The following ERBB4 variants were observed in gnomAD, a reference collection of about 807,000 sequenced individuals.
ERBB4 encodes erb-b2 receptor tyrosine kinase 4, also known as receptor tyrosine-protein kinase erbB-4.
In ERBB4, 42 loss-of-function variants were observed where a neutral mutation model predicts 158.0. The observed-to-expected ratio is 0.27, with a 90% CI of 0.21 to 0.34. ERBB4 has a LOEUF of 0.34. Among genes scored for constraint, ERBB4 ranks in the 10% least tolerant of loss-of-function variants. ERBB4 has a pLI of 1.00. For synonymous variants in ERBB4, 583 were observed against 558.7 expected (o/e 1.04, Z -0.61); for missense variants, 1,333 against 1,624.1 (o/e 0.82, Z 3.08).
At chr2:212,202,731 A>G (rs1410905302) in intron 1 of ERBB4, among the ~76,000 whole-genome samples, 1 of 152,208 alleles carries the variant, frequency 6.6e-6, no homozygotes, top group East Asian at 1.9e-4. Context: ...CACTTCACTA[A>G]TTAATCCAAA....
At chr2:211,617,064 G>A (rs2069418533) in intron 19 of ERBB4, among the ~76,000 whole-genome samples, 1 of 152,010 alleles carries the variant, frequency 6.6e-6, no homozygotes, top group African/African-American at 2.4e-5. Context: ...GGGGTTAGGA[G>A]CTTTCAAATA....
At position 212,101,183 on chromosome 2, in the gene ERBB4, T is replaced by C. The variant is rs1428724447; in HGVS notation, c.234+23569A>G. On this transcript the variant is annotated intron_variant, in intron 2 of 27. Coordinates refer to ENST00000342788, the MANE Select transcript of ERBB4 (RefSeq NM_005235.3). ...ATGTTATTAATGAGCAGAAATGATA[T>C]GTATATAATTTTGTTAAAAAAGAAA... Among the ~76,000 whole-genome samples the C allele has an allele frequency of 4.0e-5, 6 of 151,890 alleles. No homozygotes were observed. In the South Asian group the frequency reaches 6.2e-4, roughly 16 times the overall value.
At chr2:211,829,309 C>T (rs2077170274) in intron 3 of ERBB4, among the ~76,000 whole-genome samples, 1 of 152,034 alleles carries the variant, frequency 6.6e-6, no homozygotes, top group African/African-American at 2.4e-5. Context: ...TTGTTTTAAA[C>T]TTTAGTAAAT....
At chr2:212,280,336 T>C (rs576647262) in intron 1 of ERBB4, among the ~76,000 whole-genome samples, 1 of 151,740 alleles carries the variant, frequency 6.6e-6, no homozygotes, top group Admixed American at 6.6e-5. Flanking sequence ...TATCTGTCAA[T>C]GCCTTGGGTC....
rs1285506686 is a variant in ERBB4 at position 212,382,204 on chromosome 2, ATAT to A, written c.82+156242_82+156244del. Among the ~76,000 whole-genome samples, 21 of 149,764 alleles carry A rather than the reference ATAT, an allele frequency of 1.4e-4. No homozygotes were observed. In the East Asian group the frequency reaches 4.1e-3, roughly 29 times the overall value. ...CATACATATAAACACATATAAATAT[ATAT>A]TATACAAATATACACACATACATAT... On this transcript the variant is annotated intron_variant, in intron 1 of 27. Transcript: ENST00000342788.
chr2:211,992,080 G>A (rs1325486006), intron 2 of ERBB4, among the ~76,000 whole-genome samples: 2 of 152,110 alleles, frequency 1.3e-5, no homozygotes, highest in Admixed American at 6.6e-5. Flanking sequence ...CTGTTACCCA[G>A]TTCCAAAATC....
At chr2:211,401,517 A>AT (rs1194951098) in intron 25 of ERBB4, among the ~76,000 whole-genome samples, 1 of 152,038 alleles carries the variant, frequency 6.6e-6, no homozygotes, top group Non-Finnish European at 1.5e-5. Flanking sequence ...CTTCAATTGA[A>AT]TTTTTCCTTC....
At chr2:211,911,690 T>C (rs1339544517) in intron 3 of ERBB4, among the ~76,000 whole-genome samples, 1 of 152,166 alleles carries the variant, frequency 6.6e-6, no homozygotes, top group East Asian at 1.9e-4. Flanking sequence ...AAAATGGACC[T>C]AAATATGGAA....
chr2:211,540,735 A>ATT (rs11420459), intron 20 of ERBB4, among the ~76,000 whole-genome samples: 24 of 150,564 alleles, frequency 1.6e-4, no homozygotes, highest in Middle Eastern at 3.4e-3. Context: ...CTAGAGAAAT[A>ATT]TTTTTTTTTC....
At chr2:212,020,626 G>A (rs2076628080) in intron 2 of ERBB4, among the ~76,000 whole-genome samples, 1 of 151,940 alleles carries the variant, frequency 6.6e-6, no homozygotes, top group African/African-American at 2.4e-5. Context: ...GCTATTTAAG[G>A]TTTTTAGAGT....
rs369693491 is a variant in ERBB4 at position 211,631,211 on chromosome 2, T to G, written c.1947-617A>C. Reference sequence around the variant, plus strand: ...AAAGATCTGTCAACATCACCCCCAGTTAGGAAGCACTGCTCTAATGCAAAA... The same window carrying G: ...AAAGATCTGTCAACATCACCCCCAGGTAGGAAGCACTGCTCTAATGCAAAA... On this transcript the variant is annotated intron_variant, in intron 16 of 27. Transcript: ENST00000342788. Among the ~76,000 whole-genome samples the G allele has an allele frequency of 2.1e-4, 32 of 152,156 alleles. No homozygotes were observed. In the South Asian group the frequency reaches 6.6e-3, roughly 32 times the overall value.
intron 19 of ERBB4, among the ~76,000 whole-genome samples, chr2:211,600,740 C>T (rs944519093): frequency 6.6e-6 from 1 of 152,140 alleles, no homozygotes; most frequent in African/African-American, 2.4e-5. Flanking sequence ...GAAGGGGAGG[C>T]TAACTGTAAA....
intron 16 of ERBB4, among the ~76,000 whole-genome samples, chr2:211,648,293 T>A (rs2070854994): frequency 6.6e-6 from 1 of 151,792 alleles, no homozygotes; most frequent in African/African-American, 2.4e-5. Context: ...GTATTTTTCT[T>A]TTCTTACCAT....
intron 3 of ERBB4, among the ~76,000 whole-genome samples, chr2:211,843,000 C>A (rs886636556): frequency 4.6e-5 from 7 of 152,036 alleles, no homozygotes; most frequent in African/African-American, 1.7e-4. Flanking sequence ...TAAAATCATT[C>A]AATGGAATAG....
chr2:211,379,027 A>G lies in ERBB4; in HGVS notation c.*4588T>C, dbSNP rs1485813404. 1 of 231,734 alleles carries G rather than the reference A, an allele frequency of 4.3e-6. No individual in the cohort carries two copies. The highest frequency in any genetic ancestry group is 8.5e-6 in the Non-Finnish European group (1 of 117,206). The allele number at this position is 231,734 out of a possible 1,614,324, so 14.4% of individuals were successfully genotyped here. On this transcript the variant is annotated 3_prime_UTR_variant, in exon 28 of 28. Transcript: ENST00000342788. Reference sequence around the variant, plus strand: ...TGCACATGGATTTCTCATTTGCCCTATAACAATCATCATTCTAATAACTAA... The same window carrying G: ...TGCACATGGATTTCTCATTTGCCCTGTAACAATCATCATTCTAATAACTAA...
intron 2 of ERBB4, among the ~76,000 whole-genome samples, chr2:212,100,615 T>C (rs2079056026): frequency 6.6e-6 from 1 of 152,066 alleles, no homozygotes; most frequent in African/African-American, 2.4e-5. Context: ...GATACAAAAA[T>C]AAATAAGTCA....
At chr2:211,600,608 T>G (rs2068770027) in intron 19 of ERBB4, among the ~76,000 whole-genome samples, 1 of 152,270 alleles carries the variant, frequency 6.6e-6, no homozygotes, top group Non-Finnish European at 1.5e-5. Flanking sequence ...TATCTCTTTA[T>G]TCAGAGTACC....
At chr2:212,015,347 T>C (rs1264987545) in intron 2 of ERBB4, among the ~76,000 whole-genome samples, 2 of 151,982 alleles carry the variant, frequency 1.3e-5, no homozygotes, top group Non-Finnish European at 2.9e-5. Context: ...TTTTCTAAAA[T>C]GTAAATCTGT....
chr2:212,242,319 A>G (rs2084139359), intron 1 of ERBB4, among the ~76,000 whole-genome samples: 1 of 152,030 alleles, frequency 6.6e-6, no homozygotes, highest in Non-Finnish European at 1.5e-5. Flanking sequence ...TATCTTAGTA[A>G]CATTTTATTA....
Sources: gnomAD v4.1 joint callset for allele counts (sites outside exome capture counted in the v4.1 genomes callset) on GRCh38, gnomAD v4.1.1 for gene constraint, MANE v1.5 for transcripts, NCBI Gene and HGNC (gene_info 2026-07-23, HGNC 2026-07-21) for gene names.